SBSPON: variants seen among roughly 807,000 people sequenced by gnomAD.
The protein encoded by SBSPON is somatomedin-B and thrombospondin type-1 domain-containing protein.
In SBSPON, 30 loss-of-function variants were observed where a neutral mutation model predicts 35.8. That is an observed-to-expected ratio of 0.84 (90% CI 0.63 to 1.14). SBSPON has a LOEUF of 1.14. SBSPON is among the 50% of genes most tolerant of loss of function. The pLI, the probability that SBSPON is intolerant of heterozygous loss-of-function variation, is 0.00. For missense variants in SBSPON, 364 were observed against 357.7 expected (o/e 1.02, Z -0.14); for synonymous variants, 136 against 135.9 (o/e 1.00, Z 0.00).
chr8:73,086,297 A>G (rs1236106262), intron 1 of SBSPON, among the ~76,000 whole-genome samples: 1 of 151,712 alleles, frequency 6.6e-6, no homozygotes, highest in Non-Finnish European at 1.5e-5. Flanking sequence ...AGTAGCTGGG[A>G]TTATAGGAGC....
At chr8:73,086,313 T>G (rs1810824893) in intron 1 of SBSPON, among the ~76,000 whole-genome samples, 1 of 151,898 alleles carries the variant, frequency 6.6e-6, no homozygotes, top group South Asian at 2.1e-4. Flanking sequence ...GGAGCGCACC[T>G]CCCTGCCTGG....
rs555817394 is a variant in SBSPON, at chr8:73,087,307, T to C, written c.214+5547A>G. Among the ~76,000 whole-genome samples the C allele has an allele frequency of 4.6e-5, 7 of 152,316 alleles. 1 individual carries two copies. Among genetic ancestry groups the C allele is most frequent in the African/African-American group, 1.7e-4 (7 of 41,564 alleles). ...TTACCCAACCTGTCTGTGCCTTGCT[T>C]ACCTCGTATGTAAAACGAGACCAAA... On this transcript the variant is annotated intron_variant, in intron 1 of 4. Coordinates refer to ENST00000297354, the MANE Select transcript of SBSPON (RefSeq NM_153225.4).
In SBSPON at chr8:73,066,578, A is replaced by T. The variant is rs1038846172; in HGVS notation, c.*763T>A. The T allele has an allele frequency of 6.6e-6, 1 of 152,206 alleles. No homozygotes were observed. Among genetic ancestry groups the T allele is most frequent in the African/African-American group, 2.4e-5 (1 of 41,456 alleles). The allele number at this position is 152,206 out of a possible 1,614,324, so 9.4% of individuals were successfully genotyped here. ...TTCAGCTTCAGGCTTTAAGCCTTGG[A>T]AATAATCTTAGATGCAAATGGTGGT... On this transcript the variant is annotated 3_prime_UTR_variant, in exon 5 of 5. Coordinates refer to ENST00000297354, the MANE Select transcript of SBSPON (RefSeq NM_153225.4).
At chr8:73,090,013 A>C (rs1810902084) in intron 1 of SBSPON, among the ~76,000 whole-genome samples, 1 of 152,152 alleles carries the variant, frequency 6.6e-6, no homozygotes, top group Non-Finnish European at 1.5e-5. Context: ...CTGGGTAGCT[A>C]GGACTACAAG....
chr8:73,069,835 C>T lies in SBSPON; in HGVS notation c.647G>A (p.Arg216His), dbSNP rs755064564. ...GGAGTCCAGGCCATCTCCAGAACAA[C>T]GAAGGCTCACAGAGTTCATAGCTGG... ...QPPAMNSVSL[R>H]CSGDGLDSDG... Residue 216 changes from arginine (R) to histidine (H), a missense_variant, in exon 4 of 5, where the codon CGT (arginine) becomes CAT (histidine). Arg to His is a conservative substitution (Grantham distance 29). Coordinates refer to ENST00000297354, the MANE Select transcript of SBSPON (RefSeq NM_153225.4). 32 of 1,613,976 alleles carry T rather than the reference C, an allele frequency of 2.0e-5. No individual in the cohort carries two copies. The African/African-American group carries it at 2.0e-4, about 10-fold the overall frequency.
chr8:73,078,530 C>T (rs1586094555), intron 2 of SBSPON, among the ~76,000 whole-genome samples: 3 of 151,772 alleles, frequency 2.0e-5, no homozygotes, highest in South Asian at 4.1e-4. Context: ...AAGGTGAGTG[C>T]GATGGCCTGG....
chr8:73,093,123 A>G lies in SBSPON; in HGVS notation c.-56T>C. ...ACAGACCCCCGGGGCAAGCGCTCTG[A>G]TCCTCGGCTGGCCGCGGCCCGGGAG... On this transcript the variant is annotated 5_prime_UTR_variant, in exon 1 of 5. Transcript: ENST00000297354. 9.9e-7 allele frequency: 1 copy of G among 1,014,252 alleles called. No individual in the cohort carries two copies. Among genetic ancestry groups the G allele is most frequent in the Non-Finnish European group, 1.3e-6 (1 of 792,010 alleles). The allele number at this position is 1,014,252 out of a possible 1,614,324, so 62.8% of individuals were successfully genotyped here.
At chr8:73,080,888 G>T (rs2130019169) in intron 2 of SBSPON, 131 bp downstream of exon 2, 3 of 663,048 alleles carry the variant, frequency 4.5e-6, no homozygotes, top group South Asian at 3.6e-5. Flanking sequence ...TATCTACTTT[G>T]GGCAGCCTGG....
intron 1 of SBSPON, chr8:73,085,869 C>A (rs1810814316): frequency 6.6e-6 from 1 of 152,190 alleles, no homozygotes; most frequent in Non-Finnish European, 1.5e-5. Flanking sequence ...CTTGGTTAAT[C>A]ACAGAGACTC....
At chr8:73,080,887 T>G (rs1425902021) in intron 2 of SBSPON, 132 bp downstream of exon 2, 2 of 661,562 alleles carry the variant, frequency 3.0e-6, no homozygotes, top group African/African-American at 1.8e-5. Flanking sequence ...CTATCTACTT[T>G]GGGCAGCCTG....
At chr8:73,088,398 G>A (rs1435210679) in intron 1 of SBSPON, among the ~76,000 whole-genome samples, 1 of 152,164 alleles carries the variant, frequency 6.6e-6, no homozygotes, top group African/African-American at 2.4e-5. Flanking sequence ...AGAAGGAAAA[G>A]AGGGCCAGGC....
intron 2 of SBSPON, among the ~76,000 whole-genome samples, chr8:73,077,257 C>T (rs182487760): frequency 7.2e-4 from 110 of 152,286 alleles, no homozygotes; most frequent in Non-Finnish European, 1.4e-3. Flanking sequence ...TAGCAGCAGC[C>T]GTAGAAAATG....
chr8:73,069,144 T>C (rs1195706991), intron 4 of SBSPON, among the ~76,000 whole-genome samples: 1 of 152,148 alleles, frequency 6.6e-6, no homozygotes, highest in African/African-American at 2.4e-5. Context: ...GTGATTCAGT[T>C]AGTCGGAAAT....
In SBSPON at chr8:73,069,832, C is replaced by T; in HGVS notation, c.650G>A (p.Cys217Tyr). The change falls in exon 4 of 5, where the codon TGT becomes TAT. Residue 217 changes from cysteine to tyrosine, a missense_variant. Coordinates refer to ENST00000297354, the MANE Select transcript of SBSPON (RefSeq NM_153225.4). ...PPAMNSVSLR[C>Y]SGDGLDSDGN... Reference sequence around the variant, plus strand: ...ATCGGAGTCCAGGCCATCTCCAGAACAACGAAGGCTCACAGAGTTCATAGC... The same window carrying T: ...ATCGGAGTCCAGGCCATCTCCAGAATAACGAAGGCTCACAGAGTTCATAGC... 6.2e-7 allele frequency: 1 copy of T among 1,614,120 alleles called. No homozygotes were observed. The highest frequency in any genetic ancestry group is 8.5e-7 in the Non-Finnish European group (1 of 1,179,942).
chr8:73,086,753 G>GA (rs755323982), intron 1 of SBSPON, among the ~76,000 whole-genome samples: 2 of 152,068 alleles, frequency 1.3e-5, no homozygotes, highest in African/African-American at 2.4e-5. Context: ...TAACCCAGGA[G>GA]AAAAAAAGAT....
intron 2 of SBSPON, chr8:73,074,515 T>C (rs1170577905): frequency 2.3e-5 from 20 of 868,398 alleles, no homozygotes; most frequent in Non-Finnish European, 2.5e-5. Context: ...TGTTTAAGGC[T>C]CACATCTAAA....
chr8:73,076,351 A>ATTAAGG (rs1370084247), intron 2 of SBSPON, among the ~76,000 whole-genome samples: 2 of 152,206 alleles, frequency 1.3e-5, no homozygotes, highest in African/African-American at 2.4e-5. Flanking sequence ...TACAGGTGGA[A>ATTAAGG]TTAAGGTTGC....
At position 73,064,854 on chromosome 8, in the gene SBSPON, T is replaced by C. The variant is rs1056506122; in HGVS notation, c.*2487A>G. The C allele has an allele frequency of 6.6e-6, 1 of 152,210 alleles. No homozygotes were observed. The highest frequency in any genetic ancestry group is 2.4e-5 in the African/African-American group (1 of 41,450). 9.4% of individuals were successfully genotyped at this position (152,210 alleles called of 1,614,324 possible). A position where few individuals can be genotyped will look rare whatever the true frequency, so the allele number is the denominator to read the frequency against. The stretch of plus-strand genomic sequence containing the variant: ...GTGGCTGTATTTATTTTTGTTCGAA[T>C]TATTTTCCATGAGCACTTTTGAAAA... On this transcript the variant is annotated 3_prime_UTR_variant, in exon 5 of 5. Coordinates refer to ENST00000297354, the MANE Select transcript of SBSPON (RefSeq NM_153225.4).
rs1177269713 is a variant in SBSPON, at chr8:73,066,725, T to C, written c.*616A>G. On this transcript the variant is annotated 3_prime_UTR_variant, in exon 5 of 5. Transcript: ENST00000297354. ...ATGAGCATTTGATCCTTTCACTTCTTAAGCAAAAAAAAAATTTCTTCTTCA... is the reference window on the plus strand; with the variant it reads ...ATGAGCATTTGATCCTTTCACTTCTCAAGCAAAAAAAAAATTTCTTCTTCA... The C allele has an allele frequency of 6.6e-6, 1 of 151,968 alleles. No individual in the cohort carries two copies. The highest frequency in any genetic ancestry group is 2.4e-5 in the African/African-American group (1 of 41,412). The allele number at this position is 151,968 out of a possible 1,614,324, so 9.4% of individuals were successfully genotyped here. A position where few individuals can be genotyped will look rare whatever the true frequency, so the allele number is the denominator to read the frequency against.
Sources: allele counts gnomAD v4.1 joint callset (sites outside exome capture counted in the v4.1 genomes callset), GRCh38; gene constraint gnomAD v4.1.1; transcripts MANE v1.5; gene names NCBI Gene and HGNC (gene_info 2026-07-23, HGNC 2026-07-21).